Variants in PLXNA4 observed in about 807,000 individuals in gnomAD.
PLXNA4 encodes the protein plexin A4.
In PLXNA4, 44 loss-of-function variants were observed where a neutral mutation model predicts 191.8. That is an observed-to-expected ratio of 0.23 (90% CI 0.18 to 0.29). PLXNA4 has a LOEUF of 0.29. Ranked by LOEUF, PLXNA4 falls within the 10% of genes least tolerant of loss-of-function variation. PLXNA4 has a pLI of 1.00. For missense variants in PLXNA4, 1,800 were observed against 2,488.8 expected, an observed-to-expected ratio of 0.72 and a Z score of 5.89; for synonymous variants, 1,082 against 1,009.5, an observed-to-expected ratio of 1.07 and a Z score of -1.36.
intron 20 of PLXNA4, among the ~76,000 whole-genome samples, chr7:132,178,588 G>A (rs1254695094): frequency 6.6e-6 from 1 of 152,184 alleles, no homozygotes; most frequent in African/African-American, 2.4e-5. Context: ...GTGTGGTCTG[G>A]GACACAGGCA....
At position 132,165,128 on chromosome 7, in the gene PLXNA4, C is replaced by T. The variant is rs1409652426; in HGVS notation, c.4353+6G>A. Reference sequence around the variant, plus strand: ...AGGCCAGAAATACGTCCACATCCAACCCTACCTTGAGGAACTTGTAGAGGA... The same window carrying T: ...AGGCCAGAAATACGTCCACATCCAATCCTACCTTGAGGAACTTGTAGAGGA... On this transcript the variant is annotated splice_donor_region_variant and intron_variant, in intron 23 of 31. Coordinates refer to ENST00000321063, the MANE Select transcript of PLXNA4 (RefSeq NM_020911.2). 3 of 1,612,664 alleles carry T rather than the reference C, an allele frequency of 1.9e-6. No homozygotes were observed. The highest frequency in any genetic ancestry group is 1.3e-5 in the African/African-American group (1 of 74,884).
intron 1 of PLXNA4, among the ~76,000 whole-genome samples, chr7:132,536,870 A>G (rs187323186): frequency 1.2e-4 from 19 of 152,234 alleles, no homozygotes; most frequent in African/African-American, 4.6e-4. Flanking sequence ...TGAGGAAAGT[A>G]TTTCTGAAGA....
chr7:132,202,727 G>A lies in PLXNA4; in HGVS notation c.2505C>T (p.Arg835=). 1.2e-6 allele frequency: 2 copies of A among 1,609,606 alleles called. No homozygotes were observed. Among genetic ancestry groups the A allele is most frequent in the East Asian group, 2.2e-5 (1 of 44,654 alleles). The change falls in exon 12 of 32, where the codon CGC becomes CGT. Residue 835 remains arginine, a synonymous_variant. Transcript: ENST00000321063. ...GGCTCTCCTGGGCAGGGCAGTGCTG[G>A]CGCAGGGTGCACTGGCCTGGGCCCT... ...WCQGPGQCTL[R]QHCPAQESQW... is the part of the protein sequence containing the mutation.
intron 3 of PLXNA4, among the ~76,000 whole-genome samples, chr7:132,305,309 T>C (rs1037832922): frequency 7.3e-5 from 11 of 150,848 alleles, no homozygotes; most frequent in South Asian, 2.1e-4. Context: ...AAACCTCCAC[T>C]ACAGTGTTCA....
chr7:132,268,663 A>T (rs1799944722), intron 4 of PLXNA4, among the ~76,000 whole-genome samples: 1 of 152,156 alleles, frequency 6.6e-6, no homozygotes, highest in Non-Finnish European at 1.5e-5. Flanking sequence ...CTATGGACTA[A>T]TCTACTCCCA....
chr7:132,213,229 A>AT (rs1281624879), intron 9 of PLXNA4, among the ~76,000 whole-genome samples: 2 of 152,166 alleles, frequency 1.3e-5, no homozygotes, highest in African/African-American at 2.4e-5. Context: ...TAGAATGGTG[A>AT]TGTCTAAGGG....
In PLXNA4 at chr7:132,463,060, G is replaced by A. The variant is rs969060964; in HGVS notation, c.1371+26232C>T. 6.6e-4 allele frequency among the ~76,000 whole-genome samples: 100 copies of A among 151,978 alleles called. 1 individual carries two copies. Among genetic ancestry groups the A allele is most frequent in the Non-Finnish European group, 8.8e-5 (6 of 68,004 alleles). Reference sequence around the variant, plus strand: ...AAACGGGGTTTCACCATGTTGGCCAGGTTGGTCTCTAACTTCTGACCTCAA... The same window carrying A: ...AAACGGGGTTTCACCATGTTGGCCAAGTTGGTCTCTAACTTCTGACCTCAA... On this transcript the variant is annotated intron_variant, in intron 3 of 31. Transcript: ENST00000321063.
At chr7:132,290,826 G>A (rs541381096) in intron 4 of PLXNA4, among the ~76,000 whole-genome samples, 6 of 152,256 alleles carry the variant, frequency 3.9e-5, no homozygotes, top group South Asian at 2.1e-4. Context: ...AAGTGTACCC[G>A]GAACATGGCA....
intron 2 of PLXNA4, among the ~76,000 whole-genome samples, chr7:132,635,459 G>A (rs977418124): frequency 2.0e-5 from 3 of 152,090 alleles, no homozygotes; most frequent in African/African-American, 7.2e-5. Context: ...CCACAGGCAT[G>A]AAACATTCTA....
At chr7:132,534,103 TGAA>T (rs750152520) in intron 1 of PLXNA4, among the ~76,000 whole-genome samples, 1 of 151,828 alleles carries the variant, frequency 6.6e-6, no homozygotes, top group African/African-American at 2.4e-5. Flanking sequence ...AAAAGGCCAG[TGAA>T]GAAGAAGCCG....
intron 3 of PLXNA4, among the ~76,000 whole-genome samples, chr7:132,349,189 T>C (rs1482770906): frequency 2.6e-5 from 4 of 152,168 alleles, no homozygotes; most frequent in Non-Finnish European, 5.9e-5. Context: ...AGCTCTTTTT[T>C]CCCCTCCCTT....
intron 3 of PLXNA4, among the ~76,000 whole-genome samples, chr7:132,443,455 A>G (rs1180200832): frequency 1.3e-5 from 2 of 152,218 alleles, no homozygotes; most frequent in Non-Finnish European, 2.9e-5. Context: ...TCCTCAGTGC[A>G]AACGAGAAAC....
At position 132,223,613 on chromosome 7, in the gene PLXNA4, G is replaced by T. The variant is rs199651527; in HGVS notation, c.2011C>A (p.Arg671Ser). ...TGCCGGTATTTACACCAGTGGCAGC[G>T]GTATGGACTCTCCACGCAGGACAGG... ...SCLSCVESPY[R>S]CHWCKYRHVC... The change falls in exon 9 of 32, where the codon CGC (arginine) becomes AGC (serine). Residue 671 changes from arginine to serine, a missense_variant. Physicochemically the swap from Arg to Ser is moderately radical, Grantham distance 110. Transcript: ENST00000321063. 1 of 1,613,690 alleles carries T rather than the reference G, an allele frequency of 6.2e-7. No homozygotes were observed. The highest frequency in any genetic ancestry group is 8.5e-7 in the Non-Finnish European group (1 of 1,179,840).
chr7:132,522,168 T>C (rs1477893788), intron 1 of PLXNA4, among the ~76,000 whole-genome samples: 2 of 152,106 alleles, frequency 1.3e-5, no homozygotes, highest in Non-Finnish European at 1.5e-5. Context: ...AGACACAGCA[T>C]GCTCCATGCA....
At chr7:132,233,831 G>C (rs1358765642) in intron 5 of PLXNA4, among the ~76,000 whole-genome samples, 1 of 151,440 alleles carries the variant, frequency 6.6e-6, no homozygotes, top group Non-Finnish European at 1.5e-5. Flanking sequence ...GACCTTGGTA[G>C]CCATGCTTTG....
At chr7:132,454,272 C>G (rs1796233508) in intron 3 of PLXNA4, among the ~76,000 whole-genome samples, 1 of 152,172 alleles carries the variant, frequency 6.6e-6, no homozygotes, top group Non-Finnish European at 1.5e-5. Context: ...TTCATCAAGG[C>G]CACGTGACTC....
intron 3 of PLXNA4, among the ~76,000 whole-genome samples, chr7:132,408,348 G>A (rs1563082263): frequency 6.6e-6 from 1 of 152,066 alleles, no homozygotes; most frequent in Non-Finnish European, 1.5e-5. Flanking sequence ...TGCAGGCGGT[G>A]GCATTCTGGG....
intron 3 of PLXNA4, among the ~76,000 whole-genome samples, chr7:132,456,444 C>A (rs1353040559): frequency 6.6e-6 from 1 of 152,130 alleles, no homozygotes; most frequent in Non-Finnish European, 1.5e-5. Flanking sequence ...CAAGAGCGTG[C>A]TCTGAACTTC....
intron 2 of PLXNA4, among the ~76,000 whole-genome samples, chr7:132,613,355 TC>T (rs559310250): frequency 6.6e-6 from 1 of 151,704 alleles, no homozygotes; most frequent in East Asian, 1.9e-4. Context: ...AAAGCCACCC[TC>T]CCCCCCGACA....
Sources: gnomAD v4.1 joint callset for allele counts (sites outside exome capture counted in the v4.1 genomes callset) on GRCh38, gnomAD v4.1.1 for gene constraint, MANE v1.5 for transcripts, NCBI Gene and HGNC (gene_info 2026-07-23, HGNC 2026-07-21) for gene names.